Variants in MYRIP observed in about 807,000 individuals in gnomAD.
The protein encoded by MYRIP is rab effector MyRIP.
In MYRIP, 49 loss-of-function variants were observed where a neutral mutation model predicts 98.0. The observed-to-expected ratio is 0.50, with a 90% CI of 0.40 to 0.63. MYRIP has a LOEUF of 0.63. MYRIP is among the 30% of genes least tolerant of loss of function. The pLI is 0.00. For missense variants in MYRIP, 1,004 were observed against 1,058.2 expected (o/e 0.95, Z 0.71); for synonymous variants, 404 against 409.5 (o/e 0.99, Z 0.16).
chr3:40,128,635 C>T (rs1219818547), intron 3 of MYRIP, among the ~76,000 whole-genome samples: 7 of 152,200 alleles, frequency 4.6e-5, no homozygotes, highest in African/African-American at 1.7e-4. Flanking sequence ...TTGGAACACA[C>T]ATTCAGGTGC....
intron 3 of MYRIP, among the ~76,000 whole-genome samples, chr3:40,067,254 G>A (rs1406054964): frequency 6.6e-6 from 1 of 152,160 alleles, no homozygotes; most frequent in Non-Finnish European, 1.5e-5. Context: ...CATTCAGGAA[G>A]AAATGCATCA....
intron 2 of MYRIP, among the ~76,000 whole-genome samples, chr3:40,020,504 A>T (rs1946968056): frequency 6.6e-6 from 1 of 152,250 alleles, no homozygotes; most frequent in Non-Finnish European, 1.5e-5. Context: ...GTGAAGATGA[A>T]CATTAAAGAC....
chr3:39,814,618 G>A (rs1940817305), intron 1 of MYRIP, among the ~76,000 whole-genome samples: 1 of 151,792 alleles, frequency 6.6e-6, no homozygotes, highest in Admixed American at 6.6e-5. Context: ...TTATATCCTT[G>A]GATCTGTCTC....
At position 39,978,636 on chromosome 3, in the gene MYRIP, T is replaced by C. The variant is rs114698254; in HGVS notation, c.111-65414T>C. Among the ~76,000 whole-genome samples, 1,001 of 152,344 alleles carry C rather than the reference T, an allele frequency of 6.6e-3. 5 individuals carry two copies. Among genetic ancestry groups the C allele is most frequent in the Middle Eastern group, 0.024 (7 of 294 alleles). On this transcript the variant is annotated intron_variant, in intron 2 of 16. Transcript: ENST00000302541. ...CCGAAATTTGGCACAAGCCTGACCA[T>C]GTGCTGATTGGGAACAAGACTTCTT...
Position 39,900,868 on chromosome 3 carries a change from G to C in MYRIP, c.52G>C (p.Val18Leu), listed in dbSNP as rs772908090. Residue 18 changes from valine (V) to leucine (L), a missense_variant, in exon 2 of 17, where the codon GTT (valine) becomes CTT (leucine). Physicochemically the swap from Val to Leu is conservative, Grantham distance 32. Around this residue, in one of 3 missense-constraint regions of MYRIP, gnomAD observed 880 missense variants for 907.7 expected, o/e 0.97. Coordinates refer to ENST00000302541, the MANE Select transcript of MYRIP (RefSeq NM_015460.4). Reference sequence around the variant, plus strand: ...TTTGACTGATGATGAAACAGAGCATGTTCTTCAGGTGGTTCAAAGAGACTT... The same window carrying C: ...TTTGACTGATGATGAAACAGAGCATCTTCTTCAGGTGGTTCAAAGAGACTT... ...SGLTDDETEH[V>L]LQVVQRDFNL... 14 of 1,613,808 alleles carry C rather than the reference G, an allele frequency of 8.7e-6. No homozygotes were observed. In the South Asian group the frequency reaches 1.2e-4, roughly 14 times the overall value.
At chr3:39,910,047 C>T (rs963862792) in intron 2 of MYRIP, among the ~76,000 whole-genome samples, 1 of 152,028 alleles carries the variant, frequency 6.6e-6, no homozygotes, top group Non-Finnish European at 1.5e-5. Context: ...TGTGCCACCA[C>T]ACCCCGCTGA....
intron 2 of MYRIP, among the ~76,000 whole-genome samples, chr3:39,973,493 C>T (rs1330641578): frequency 3.3e-5 from 5 of 152,036 alleles, no homozygotes; most frequent in Non-Finnish European, 4.4e-5. Context: ...GACAGATCAA[C>T]GAGACAGAAA....
chr3:40,036,302 CAAA>C (rs71091786), intron 2 of MYRIP, among the ~76,000 whole-genome samples: 6 of 64,292 alleles, frequency 9.3e-5, no homozygotes, highest in African/African-American at 2.9e-4. Context: ...CAACTGATAC[CAAA>C]AAAAAAAAAA....
At chr3:40,027,502 T>A (rs1219541121) in intron 2 of MYRIP, among the ~76,000 whole-genome samples, 1 of 152,100 alleles carries the variant, frequency 6.6e-6, no homozygotes, top group African/African-American at 2.4e-5. Context: ...TTGGACTAGC[T>A]CCTTCTCATC....
chr3:40,177,973 C>A (rs1950803988), intron 8 of MYRIP, among the ~76,000 whole-genome samples: 1 of 152,104 alleles, frequency 6.6e-6, no homozygotes, highest in Non-Finnish European at 1.5e-5. Flanking sequence ...AATTAAAGTA[C>A]TTTTTGTCAT....
chr3:40,145,196 A>G (rs993175931), intron 3 of MYRIP, among the ~76,000 whole-genome samples: 5 of 152,146 alleles, frequency 3.3e-5, no homozygotes, highest in African/African-American at 1.2e-4. Context: ...TTCCACCAGC[A>G]CCCGTACCCA....
chr3:40,247,871 T>C (rs1206274685), intron 13 of MYRIP, among the ~76,000 whole-genome samples: 1 of 152,278 alleles, frequency 6.6e-6, no homozygotes, highest in Non-Finnish European at 1.5e-5. Context: ...GGAAATGTGT[T>C]GGTCCTGCCC....
At chr3:39,955,123 T>C (rs1011985513) in intron 2 of MYRIP, among the ~76,000 whole-genome samples, 1 of 152,208 alleles carries the variant, frequency 6.6e-6, no homozygotes, top group African/African-American at 2.4e-5. Context: ...ACAGGAGAAC[T>C]TCCCCAATCT....
chr3:40,170,126 A>T (rs374867224), intron 8 of MYRIP, 33 bp downstream of exon 8: 36 of 1,611,112 alleles, frequency 2.2e-5, no homozygotes, highest in Middle Eastern at 1.8e-4. Flanking sequence ...TCTACCCTCC[A>T]CACGTGCAGG....
At chr3:40,252,920 G>A (rs1239875890) in intron 16 of MYRIP, among the ~76,000 whole-genome samples, 3 of 152,184 alleles carry the variant, frequency 2.0e-5, no homozygotes, top group Admixed American at 2.0e-4. Context: ...AGCAGCCACC[G>A]ATTAAGAAAG....
At chr3:40,216,148 C>T (rs530226789) in intron 11 of MYRIP, among the ~76,000 whole-genome samples, 1 of 152,236 alleles carries the variant, frequency 6.6e-6, no homozygotes, top group Admixed American at 6.5e-5. Flanking sequence ...ATACTTCAAG[C>T]CTCTAAAATG....
chr3:39,920,989 G>T (rs935330641), intron 2 of MYRIP, among the ~76,000 whole-genome samples: 11 of 152,120 alleles, frequency 7.2e-5, no homozygotes, highest in Non-Finnish European at 1.6e-4. Flanking sequence ...GATGATTCTG[G>T]TCCACTGTTG....
chr3:39,911,272 A>G (rs926115645), intron 2 of MYRIP, among the ~76,000 whole-genome samples: 1 of 139,214 alleles, frequency 7.2e-6, no homozygotes, highest in Non-Finnish European at 1.6e-5. Context: ...TTGATGTTAC[A>G]AGTGTGCTTG....
At chr3:39,892,712 A>C (rs148150756) in intron 1 of MYRIP, among the ~76,000 whole-genome samples, 1 of 152,320 alleles carries the variant, frequency 6.6e-6, no homozygotes, top group East Asian at 1.9e-4. Context: ...TAAAATTAAT[A>C]TAATGATATT....
Sources: gnomAD v4.1 joint callset for allele counts (sites outside exome capture counted in the v4.1 genomes callset) on GRCh38, gnomAD v4.1.1 for gene constraint, gnomAD v4.1.1 regional missense constraint, MANE v1.5 for transcripts, NCBI Gene and HGNC (gene_info 2026-07-23, HGNC 2026-07-21) for gene names.